Variants in LMNB1 observed in about 807,000 individuals in gnomAD.
The protein encoded by LMNB1 is lamin-B1.
In LMNB1, 23 loss-of-function variants were observed where a neutral mutation model predicts 67.1. That is an observed-to-expected ratio of 0.34 (90% CI 0.25 to 0.49). The LOEUF (loss-of-function observed/expected upper bound fraction) is 0.49. LMNB1 is among the 20% of genes least tolerant of loss of function. The probability of loss-of-function intolerance (pLI) is 0.99; values close to 1 mark genes in which losing one functional copy is unlikely to be tolerated. For missense variants in LMNB1, 634 were observed against 746.5 expected, an observed-to-expected ratio of 0.85 and a Z score of 1.76; for synonymous variants, 281 against 282.9, an observed-to-expected ratio of 0.99 and a Z score of 0.07.
At chr5:126,784,129 A>G (rs1477839684) in intron 1 of LMNB1, among the ~76,000 whole-genome samples, 1 of 143,768 alleles carries the variant, frequency 7.0e-6, no homozygotes, top group Non-Finnish European at 1.5e-5. Context: ...GGTTCAAGCA[A>G]TTCTCCTGCC....
chr5:126,822,604 A>T (rs1751895449), intron 7 of LMNB1, among the ~76,000 whole-genome samples, 177 bp from the exon 8 acceptor site: 1 of 152,238 alleles, frequency 6.6e-6, no homozygotes, highest in Non-Finnish European at 1.5e-5. Context: ...TGTTGAAGTT[A>T]CTGTTTGACA....
intron 1 of LMNB1, among the ~76,000 whole-genome samples, chr5:126,784,658 ATT>A (rs35792214): frequency 5.3e-5 from 6 of 113,330 alleles, no homozygotes; most frequent in Admixed American, 9.4e-5. Flanking sequence ...CCTGGCTTGA[ATT>A]TTTTTTTTTT....
chr5:126,790,403 G>A (rs867548862), intron 1 of LMNB1, among the ~76,000 whole-genome samples: 1 of 152,144 alleles, frequency 6.6e-6, no homozygotes, highest in African/African-American at 2.4e-5. Context: ...ACCACATCTG[G>A]TCTGCTGTGT....
Position 126,785,962 on chromosome 5 carries a change from C to T in LMNB1, c.359+8095C>T, listed in dbSNP as rs112651964. On this transcript the variant is annotated intron_variant, in intron 1 of 10. Coordinates refer to ENST00000261366, the MANE Select transcript of LMNB1 (RefSeq NM_005573.4). ...CTGGGAGGCAGAGGTTGCAGTGAGCCGAGATCGTGCCACTGCACTCCAGCC... is the reference window on the plus strand; with the variant it reads ...CTGGGAGGCAGAGGTTGCAGTGAGCTGAGATCGTGCCACTGCACTCCAGCC... 7.0e-3 allele frequency among the ~76,000 whole-genome samples: 1,060 copies of T among 151,454 alleles called. 11 individuals carry two copies. Among genetic ancestry groups the T allele is most frequent in the African/African-American group, 0.024 (1,010 of 41,372 alleles).
At chr5:126,828,888 C>A (rs533463448) in intron 9 of LMNB1, among the ~76,000 whole-genome samples, 1 of 152,080 alleles carries the variant, frequency 6.6e-6, no homozygotes, top group African/African-American at 2.4e-5. Flanking sequence ...TAACAAACTT[C>A]TAATACCTTC....
At position 126,800,644 on chromosome 5, in the gene LMNB1, CTTTTTT is replaced by C. The variant is rs35363581; in HGVS notation, c.360-4112_360-4107del. 7.3e-3 allele frequency among the ~76,000 whole-genome samples: 396 copies of C among 53,920 alleles called. 4 individuals are homozygous for C. The highest frequency in any genetic ancestry group is 0.027 in the African/African-American group (359 of 13,300). 35.4% of individuals were successfully genotyped at this position (53,920 alleles called of 152,430 possible). On this transcript the variant is annotated intron_variant, in intron 1 of 10. Transcript: ENST00000261366. The stretch of plus-strand genomic sequence containing the variant: ...GACACTGGACCCTACACTGTATCTT[CTTTTTT>C]TTTTTTTTTTTTTTTTTTTGAGACG...
At chr5:126,808,182 T>C (rs954782132) in intron 3 of LMNB1, among the ~76,000 whole-genome samples, 1 of 149,316 alleles carries the variant, frequency 6.7e-6, no homozygotes, top group African/African-American at 2.5e-5. Flanking sequence ...TTTTTTACTT[T>C]AAAAAAAATT....
intron 10 of LMNB1, among the ~76,000 whole-genome samples, chr5:126,833,443 T>C (rs1752180134): frequency 6.6e-6 from 1 of 152,246 alleles, no homozygotes; most frequent in African/African-American, 2.4e-5. Context: ...TTTGTTTCCA[T>C]GGCTCCAGAT....
At chr5:126,789,660 T>C (rs1030331051) in intron 1 of LMNB1, among the ~76,000 whole-genome samples, 1 of 152,170 alleles carries the variant, frequency 6.6e-6, no homozygotes, top group Non-Finnish European at 1.5e-5. Context: ...ATAGGGACTT[T>C]GCATTTGGAG....
At chr5:126,790,402 G>GT (rs753137642) in intron 1 of LMNB1, among the ~76,000 whole-genome samples, 1 of 152,106 alleles carries the variant, frequency 6.6e-6, no homozygotes, top group Non-Finnish European at 1.5e-5. Context: ...CACCACATCT[G>GT]GTCTGCTGTG....
chr5:126,799,451 C>T (rs1751208215), intron 1 of LMNB1, among the ~76,000 whole-genome samples: 1 of 152,208 alleles, frequency 6.6e-6, no homozygotes, highest in Non-Finnish European at 1.5e-5. Flanking sequence ...CCCTGAGCTC[C>T]CAGTGCAGGT....
At chr5:126,797,785 C>A (rs1249535501) in intron 1 of LMNB1, among the ~76,000 whole-genome samples, 1 of 152,154 alleles carries the variant, frequency 6.6e-6, no homozygotes, top group African/African-American at 2.4e-5. Context: ...ATAGAAGACT[C>A]ATTGATTTGG....
chr5:126,830,456 T>A (rs1172569030), intron 9 of LMNB1, among the ~76,000 whole-genome samples: 1 of 152,158 alleles, frequency 6.6e-6, no homozygotes, highest in East Asian at 1.9e-4. Context: ...TAAATTATTA[T>A]TTATTATTTT....
chr5:126,801,599 T>C (rs1165465998), intron 1 of LMNB1, among the ~76,000 whole-genome samples: 2 of 152,230 alleles, frequency 1.3e-5, no homozygotes, highest in South Asian at 4.1e-4. Context: ...TCTTGAGTTT[T>C]GAGCTATTTG....
At chr5:126,834,800 C>T (rs191930284) in intron 10 of LMNB1, among the ~76,000 whole-genome samples, 11,462 of 152,140 alleles carry the variant, frequency 0.075, 458 homozygotes, top group African/African-American at 0.089. Context: ...GGCGTGAACC[C>T]GGGAGGCGGA....
chr5:126,834,039 G>T (rs1752193189), intron 10 of LMNB1, among the ~76,000 whole-genome samples: 1 of 152,172 alleles, frequency 6.6e-6, no homozygotes, highest in South Asian at 2.1e-4. Context: ...TCCACATGCT[G>T]CAGACTGAAC....
chr5:126,813,060 CCTTTTT>C (rs1169038840), intron 5 of LMNB1, among the ~76,000 whole-genome samples: 3 of 152,080 alleles, frequency 2.0e-5, no homozygotes, highest in Non-Finnish European at 4.4e-5. Flanking sequence ...TTTCTTCCTT[CCTTTTT>C]CTTTTTACCA....
chr5:126,825,362 T>TC (rs1243145218), intron 8 of LMNB1, among the ~76,000 whole-genome samples: 5 of 152,236 alleles, frequency 3.3e-5, no homozygotes, highest in African/African-American at 1.2e-4. Context: ...TTTATACATT[T>TC]CCAGCATTCT....
chr5:126,824,191 A>G (rs1751935283), intron 8 of LMNB1, among the ~76,000 whole-genome samples: 1 of 152,254 alleles, frequency 6.6e-6, no homozygotes, highest in Non-Finnish European at 1.5e-5. Context: ...GTAAAATTGC[A>G]GAGGCAAAAG....
Sources: gnomAD v4.1 joint callset for allele counts (sites outside exome capture counted in the v4.1 genomes callset) on GRCh38, gnomAD v4.1.1 for gene constraint, MANE v1.5 for transcripts, NCBI Gene and HGNC (gene_info 2026-07-23, HGNC 2026-07-21) for gene names.